Variants in PARD3 observed in about 807,000 individuals in gnomAD.
PARD3 encodes partitioning defective 3 homolog.
Under a neutral mutation model 155.4 loss-of-function variants are expected in PARD3, and 75 were observed. The ratio of observed to expected loss-of-function variants is 0.48; its 90% confidence interval spans 0.40 to 0.58. PARD3 has a LOEUF of 0.58. PARD3 is among the 20% of genes least tolerant of loss of function. The probability of loss-of-function intolerance (pLI) is 0.00; values close to 1 mark genes in which losing one functional copy is unlikely to be tolerated. For missense variants in PARD3, 1,642 were observed against 1,721.7 expected, an observed-to-expected ratio of 0.95 and a Z score of 0.82; for synonymous variants, 576 against 610.5, an observed-to-expected ratio of 0.94 and a Z score of 0.83.
chr10:34,248,253 G>A (rs1193771119), intron 22 of PARD3, among the ~76,000 whole-genome samples: 1 of 150,574 alleles, frequency 6.6e-6, no homozygotes, highest in Non-Finnish European at 1.5e-5. Flanking sequence ...TTGTCCATAT[G>A]GTAAAAAAAA....
intron 3 of PARD3, among the ~76,000 whole-genome samples, chr10:34,478,669 G>C (rs1354747110): frequency 6.6e-6 from 1 of 152,094 alleles, no homozygotes. Context: ...TCAGCCTTCC[G>C]AGTAGCTGGG....
At chr10:34,142,358 A>G (rs1948231958) in intron 22 of PARD3, among the ~76,000 whole-genome samples, 1 of 151,922 alleles carries the variant, frequency 6.6e-6, no homozygotes, top group Non-Finnish European at 1.5e-5. Context: ...CCTGGGCAAC[A>G]TCGCAAGACC....
At chr10:34,740,063 C>A (rs1261514681) in intron 1 of PARD3, among the ~76,000 whole-genome samples, 1 of 152,168 alleles carries the variant, frequency 6.6e-6, no homozygotes, top group Non-Finnish European at 1.5e-5. Context: ...CTGACTTGAG[C>A]TGGAGAGAGA....
chr10:34,614,355 C>G (rs578228515), intron 2 of PARD3, among the ~76,000 whole-genome samples: 3 of 152,048 alleles, frequency 2.0e-5, no homozygotes, highest in African/African-American at 7.2e-5. Flanking sequence ...AGTTCTCTAA[C>G]AATGAGTAGT....
intron 19 of PARD3, among the ~76,000 whole-genome samples, chr10:34,330,668 T>C (rs1240066899): frequency 1.3e-5 from 2 of 152,178 alleles, no homozygotes; most frequent in Non-Finnish European, 2.9e-5. Flanking sequence ...ATGTGGATTA[T>C]ATCTAGCAAC....
chr10:34,166,213 C>T (rs998561196), intron 22 of PARD3, among the ~76,000 whole-genome samples: 1 of 152,106 alleles, frequency 6.6e-6, no homozygotes, highest in African/African-American at 2.4e-5. Flanking sequence ...AAAGCATGGA[C>T]TATGCTTTCT....
chr10:34,402,561 G>A (rs1258256790), intron 5 of PARD3, among the ~76,000 whole-genome samples: 1 of 152,120 alleles, frequency 6.6e-6, no homozygotes, highest in Non-Finnish European at 1.5e-5. Context: ...AGCCATAATG[G>A]ACCACTTTTG....
intron 22 of PARD3, among the ~76,000 whole-genome samples, chr10:34,151,698 T>C (rs1438716218): frequency 6.6e-6 from 1 of 152,212 alleles, no homozygotes; most frequent in East Asian, 1.9e-4. Flanking sequence ...TTCACCACAA[T>C]GTGTTCTTAG....
rs142683363 is a variant in PARD3, at chr10:34,496,099, G to A, written c.403+20880C>T. ...CGCCTGTAGTCCCAGCTACTTGGGA[G>A]GTTAAGATGGGAGGATGCTTGAGCC... is the stretch of plus-strand genomic sequence containing the variant. On this transcript the variant is annotated intron_variant, in intron 3 of 24. Transcript: ENST00000374788. Among the ~76,000 whole-genome samples, 905 of 152,078 alleles carry A rather than the reference G, an allele frequency of 6.0e-3. 10 individuals are homozygous for A. Among genetic ancestry groups the A allele is most frequent in the African/African-American group, 0.021 (867 of 41,484 alleles).
intron 5 of PARD3, among the ~76,000 whole-genome samples, chr10:34,427,503 CA>C (rs2132492835): frequency 6.6e-6 from 1 of 152,276 alleles, no homozygotes; most frequent in South Asian, 2.1e-4. Context: ...AGATGTTTAT[CA>C]ATGACAATGC....
chr10:34,399,269 C>T (rs1843652640), intron 7 of PARD3, 61 bp downstream of exon 7: 1 of 1,051,010 alleles, frequency 9.5e-7, no homozygotes, highest in South Asian at 1.3e-5. Context: ...TCTATCTGAG[C>T]ATAAATGAAG....
chr10:34,753,740 C>T (rs1434171091), intron 1 of PARD3, among the ~76,000 whole-genome samples: 1 of 152,156 alleles, frequency 6.6e-6, no homozygotes, highest in Non-Finnish European at 1.5e-5. Context: ...CTTCTTGTAT[C>T]TCTAGACCAG....
chr10:34,802,487 C>T (rs914041675), intron 1 of PARD3, among the ~76,000 whole-genome samples: 17 of 152,108 alleles, frequency 1.1e-4, no homozygotes, highest in Middle Eastern at 3.2e-3. Flanking sequence ...ACTTAATCTC[C>T]ATGACACCCT....
chr10:34,216,794 A>C (rs937890766), intron 22 of PARD3, among the ~76,000 whole-genome samples: 12 of 152,182 alleles, frequency 7.9e-5, no homozygotes, highest in African/African-American at 2.9e-4. Context: ...GACTTCCCTC[A>C]CATGTGAAAA....
At chr10:34,591,964 T>A (rs1158720790) in intron 2 of PARD3, among the ~76,000 whole-genome samples, 1 of 152,132 alleles carries the variant, frequency 6.6e-6, no homozygotes, top group African/African-American at 2.4e-5. Flanking sequence ...ACAAGGGAGA[T>A]TAGCAACGAC....
intron 4 of PARD3, among the ~76,000 whole-genome samples, chr10:34,461,053 C>A (rs1478401426): frequency 1.3e-5 from 2 of 152,140 alleles, no homozygotes; most frequent in Non-Finnish European, 2.9e-5. Context: ...ACCACTTCTA[C>A]TACCAAATTT....
At chr10:34,722,475 T>C (rs1173205430) in intron 1 of PARD3, among the ~76,000 whole-genome samples, 1 of 152,164 alleles carries the variant, frequency 6.6e-6, no homozygotes, top group Admixed American at 6.5e-5. Flanking sequence ...TCCATGTATG[T>C]GTTTTGAGAA....
intron 5 of PARD3, among the ~76,000 whole-genome samples, chr10:34,430,433 T>C (rs1284577589): frequency 2.0e-5 from 3 of 152,184 alleles, no homozygotes; most frequent in Non-Finnish European, 4.4e-5. Flanking sequence ...AATATGACTA[T>C]CAAAAATTTG....
chr10:34,479,687 G>C (rs1258812657), intron 3 of PARD3, among the ~76,000 whole-genome samples: 1 of 152,074 alleles, frequency 6.6e-6, no homozygotes, highest in Non-Finnish European at 1.5e-5. Context: ...ACAACTGCAT[G>C]GCGCACCAGT....
Sources: gnomAD v4.1 joint callset for allele counts (sites outside exome capture counted in the v4.1 genomes callset) on GRCh38, gnomAD v4.1.1 for gene constraint, MANE v1.5 for transcripts, NCBI Gene and HGNC (gene_info 2026-07-23, HGNC 2026-07-21) for gene names.